ADAMTSL2: variants seen among roughly 807,000 people sequenced by gnomAD.
The protein encoded by ADAMTSL2 is ADAMTS like 2, also known as ADAMTS-like protein 2.
In ADAMTSL2, 55 loss-of-function variants were observed where a neutral mutation model predicts 117.0. That is an observed-to-expected ratio of 0.47 (90% confidence interval 0.38 to 0.59). The LOEUF (loss-of-function observed/expected upper bound fraction) is 0.59, where lower values mean the gene tolerates loss of function less well. Ranked by LOEUF, ADAMTSL2 falls within the 20% of genes least tolerant of loss-of-function variation. ADAMTSL2 has a pLI of 0.00. For missense variants in ADAMTSL2, 1,182 were observed against 1,354.5 expected (o/e 0.87, Z 2.00); for synonymous variants, 572 against 566.4 (o/e 1.01, Z -0.14).
At position 133,539,848 on chromosome 9, in the gene ADAMTSL2, G is replaced by T. The variant is rs146802900; in HGVS notation, c.387G>T (p.Thr129=). 32 of 1,550,960 alleles carry T rather than the reference G, an allele frequency of 2.1e-5. No homozygotes were observed. Among genetic ancestry groups the T allele is most frequent in the Non-Finnish European group, 2.6e-5 (30 of 1,146,990 alleles). ...SFNSHVYNGR[T]HQWKPLYPDD... The stretch of plus-strand genomic sequence containing the variant: ...ACTCCCACGTGTACAACGGGCGGAC[G>T]CACCAGTGGAAGCCTCTGTACCCGG... Residue 129 remains threonine (T), a synonymous_variant, in exon 5 of 19, where the codon ACG becomes ACT. Coordinates refer to ENST00000651351, the MANE Select transcript of ADAMTSL2 (RefSeq NM_014694.4).
intron 12 of ADAMTSL2, among the ~76,000 whole-genome samples, chr9:133,562,584 C>T (rs867616209): frequency 2.8e-5 from 2 of 71,390 alleles, no homozygotes; most frequent in Admixed American, 1.2e-4. Flanking sequence ...CTGCTGGGCC[C>T]GGCTCGCACC....
intron 9 of ADAMTSL2, among the ~76,000 whole-genome samples, chr9:133,548,899 T>C (rs1201609192): frequency 4.6e-5 from 7 of 152,136 alleles, no homozygotes; most frequent in East Asian, 3.9e-4. Context: ...TAGAATTGCA[T>C]TGGTTTCTTT....
At chr9:133,541,638 C>T (rs1292153030) in intron 7 of ADAMTSL2, among the ~76,000 whole-genome samples, 15 of 152,208 alleles carry the variant, frequency 9.9e-5, no homozygotes, top group Non-Finnish European at 1.6e-4. Context: ...CCCATTCTCT[C>T]CACGGATATG....
chr9:133,554,685 G>A lies in ADAMTSL2; in HGVS notation c.1268G>A (p.Gly423Asp). ...GACEGPPRGKGFRDRNVTGTP... is the reference protein window; with the variant it reads ...GACEGPPRGKDFRDRNVTGTP... Reference sequence around the variant, plus strand: ...TGCGAGGGGCCCCCCAGGGGCAAGGGCTTCCGAGGTAACCAGGAGGAGGGA... The same window carrying A: ...TGCGAGGGGCCCCCCAGGGGCAAGGACTTCCGAGGTAACCAGGAGGAGGGA... The change falls in exon 10 of 19, where the codon GGC becomes GAC. Residue 423 changes from glycine to aspartate, a missense_variant. Physicochemically the swap from Gly to Asp is moderately conservative, Grantham distance 94. Around this residue, in one of 3 missense-constraint regions of ADAMTSL2, gnomAD observed 345 missense variants for 325.8 expected, o/e 1.06. Coordinates refer to ENST00000651351, the MANE Select transcript of ADAMTSL2 (RefSeq NM_014694.4). This position sits in a 1 kb window ranked among gnomAD's most constrained non-coding sequence, Gnocchi z 5.2. The A allele has an allele frequency of 6.7e-7, 1 of 1,494,160 alleles. No homozygotes were observed. Among genetic ancestry groups the A allele is most frequent in the Non-Finnish European group, 8.9e-7 (1 of 1,119,574 alleles). 92.6% of individuals were successfully genotyped at this position (1,494,160 alleles called of 1,614,324 possible).
Position 133,539,763 on chromosome 9 carries a change from C to A in ADAMTSL2, c.310-8C>A, listed in dbSNP as rs978467116. On this transcript the variant is annotated splice_polypyrimidine_tract_variant and splice_region_variant and intron_variant, in intron 4 of 18. Coordinates refer to ENST00000651351, the MANE Select transcript of ADAMTSL2 (RefSeq NM_014694.4). ...CTCCCGGAGCCTCCCTGTCCCTTCG[C>A]TTCCCAGGAGTGTCCGCCGGACGGG... is the stretch of plus-strand genomic sequence containing the variant. 6.5e-6 allele frequency: 9 copies of A among 1,380,708 alleles called. No homozygotes were observed. The Admixed American group carries it at 1.9e-4, about 29-fold the overall frequency. The allele number at this position is 1,380,708 out of a possible 1,614,324, so 85.5% of individuals were successfully genotyped here.
At chr9:133,566,503 C>T (rs933371912) in intron 12 of ADAMTSL2, among the ~76,000 whole-genome samples, 5 of 152,120 alleles carry the variant, frequency 3.3e-5, no homozygotes, top group Admixed American at 1.3e-4. Flanking sequence ...GGGCAGGGCG[C>T]GCCCGAACCC....
In ADAMTSL2 at chr9:133,534,844, C is replaced by G; in HGVS notation, c.-224C>G. The G allele has an allele frequency of 6.7e-7, 1 of 1,498,534 alleles. No homozygotes were observed. Among genetic ancestry groups the G allele is most frequent in the East Asian group, 2.8e-5 (1 of 35,840 alleles). 92.8% of individuals were successfully genotyped at this position (1,498,534 alleles called of 1,614,324 possible). A position where few individuals can be genotyped will look rare whatever the true frequency, so the allele number is the denominator to read the frequency against. ...ACTCACGCCGCCCCCGCACGCACAG[C>G]GCACCTGGCGCCGTCTGCCCTCCGC... is the stretch of plus-strand genomic sequence containing the variant. On this transcript the variant is annotated 5_prime_UTR_variant, in exon 1 of 19. Coordinates refer to ENST00000651351, the MANE Select transcript of ADAMTSL2 (RefSeq NM_014694.4).
At chr9:133,550,496 A>G (rs1448225602) in intron 9 of ADAMTSL2, among the ~76,000 whole-genome samples, 1 of 152,132 alleles carries the variant, frequency 6.6e-6, no homozygotes, top group Non-Finnish European at 1.5e-5. Context: ...ATTCAATCAA[A>G]TACTCTGTGA....
chr9:133,536,231 C>T (rs1222448158), intron 1 of ADAMTSL2, among the ~76,000 whole-genome samples: 1 of 152,238 alleles, frequency 6.6e-6, no homozygotes, highest in Non-Finnish European at 1.5e-5. Flanking sequence ...GCGAGGCCAG[C>T]AAGAGCTGAG....
At chr9:133,570,185 A>C in intron 16 of ADAMTSL2, 146 bp from the exon 17 acceptor site, 1 of 890,926 alleles carries the variant, frequency 1.1e-6, no homozygotes, top group Admixed American at 2.7e-5. Context: ...TATCGAACAA[A>C]GAGTTTCCAG....
At chr9:133,540,532 G>T in intron 5 of ADAMTSL2, 66 bp from the exon 6 acceptor site, 1 of 1,585,152 alleles carries the variant, frequency 6.3e-7, no homozygotes, top group East Asian at 2.3e-5. Flanking sequence ...GGAGGAAAAG[G>T]GAAGTCCTCT....
intron 11 of ADAMTSL2, among the ~76,000 whole-genome samples, chr9:133,560,422 C>T (rs531182466): frequency 2.6e-5 from 4 of 152,354 alleles, no homozygotes; most frequent in African/African-American, 4.8e-5. Flanking sequence ...GAGCTGCTGC[C>T]GCCTCTGCTT....
chr9:133,533,163 C>CTATGTG (rs1491336774), upstream of ADAMTSL2, among the ~76,000 whole-genome samples: 1 of 148,060 alleles, frequency 6.8e-6, no homozygotes, highest in South Asian at 2.2e-4. Context: ...GTGTGTGTGC[C>CTATGTG]TGTGTGTGTG....
chr9:133,564,597 GGAGA>G (rs1322212903), intron 12 of ADAMTSL2, among the ~76,000 whole-genome samples: 6 of 26,144 alleles, frequency 2.3e-4, no homozygotes, highest in Admixed American at 3.7e-4. Flanking sequence ...AGAGAGAGGG[GGAGA>G]GAGAGGGAGA....
chr9:133,561,303 T>G lies in ADAMTSL2; in HGVS notation c.1747+8T>G. 6.3e-7 allele frequency: 1 copy of G among 1,583,004 alleles called. No homozygotes were observed. Among genetic ancestry groups the G allele is most frequent in the Non-Finnish European group, 8.6e-7 (1 of 1,164,306 alleles). On this transcript the variant is annotated splice_region_variant and intron_variant, in intron 12 of 18. Transcript: ENST00000651351. ...GTGCCACCTGCACCACAGGTACTGGTCACGGGTGCCAAGGGGCAGCAACTG... is the reference window on the plus strand; with the variant it reads ...GTGCCACCTGCACCACAGGTACTGGGCACGGGTGCCAAGGGGCAGCAACTG...
At chr9:133,564,062 GAGACAGAGAGAA>G (rs1830838913) in intron 12 of ADAMTSL2, among the ~76,000 whole-genome samples, 1 of 60,482 alleles carries the variant, frequency 1.7e-5, no homozygotes, top group Admixed American at 1.5e-4. Flanking sequence ...AAGGGGGAGA[GAGACAGAGAGAA>G]AGGGAGAGAG....
Position 133,549,541 on chromosome 9 carries a change from CT to C in ADAMTSL2, c.939+2350del, listed in dbSNP as rs33971536. Among the ~76,000 whole-genome samples the C allele has an allele frequency of 8.2e-3, 1,111 of 134,764 alleles. 18 individuals carry two copies. Among genetic ancestry groups the C allele is most frequent in the African/African-American group, 0.029 (1,038 of 35,426 alleles). The allele number at this position is 134,764 out of a possible 152,430, so 88.4% of individuals were successfully genotyped here. A position where few individuals can be genotyped will look rare whatever the true frequency, so the allele number is the denominator to read the frequency against. On this transcript the variant is annotated intron_variant, in intron 9 of 18. Coordinates refer to ENST00000651351, the MANE Select transcript of ADAMTSL2 (RefSeq NM_014694.4). ...AGGGTCAAACAACGCCTTTCCTACT[CT>C]TTTTTTTTTTTTTTTTTTTTTAAGT... is the stretch of plus-strand genomic sequence containing the variant.
At chr9:133,544,414 C>T in intron 7 of ADAMTSL2, 56 bp from the exon 8 acceptor site, 1 of 1,453,004 alleles carries the variant, frequency 6.9e-7, no homozygotes, top group Admixed American at 1.7e-5. Context: ...GGGCGAGTGC[C>T]ACCCAAGGCT....
In ADAMTSL2 at chr9:133,574,856, C is replaced by A. The variant is rs1045990677; in HGVS notation, c.2848C>A (p.His950Asn). Reference protein sequence around the residue: ...KACCRSCRPPHS With the variant: ...KACCRSCRPPNS ...GTGCTGCCGCTCCTGCAGGCCCCCC[C>A]ACTCCTAGGCCCGGCAGCTGCAGCC... The change falls in exon 19 of 19, where the codon CAC becomes AAC. Residue 950 changes from histidine (H) to asparagine (N), a missense_variant. His to Asn is a moderately conservative substitution (Grantham distance 68, BLOSUM62 1). Transcript: ENST00000651351. 3.0e-5 allele frequency: 49 copies of A among 1,607,442 alleles called. No individual in the cohort carries two copies. The highest frequency in any genetic ancestry group is 3.9e-5 in the Non-Finnish European group (46 of 1,175,282).
Sources: gnomAD v4.1 joint callset for allele counts (sites outside exome capture counted in the v4.1 genomes callset) on GRCh38, gnomAD v4.1.1 for gene constraint, gnomAD v4.1.1 regional missense constraint, Gnocchi (gnomAD v3.1) non-coding constraint, MANE v1.5 for transcripts, NCBI Gene and HGNC (gene_info 2026-07-23, HGNC 2026-07-21) for gene names.